The following SFMBT1 variants were observed in gnomAD, a reference collection of about 807,000 sequenced individuals.
SFMBT1 encodes Scm like with four mbt domains 1, also known as scm-like with four MBT domains protein 1.
SFMBT1 carries 32 observed loss-of-function variants against 108.7 expected under a neutral mutation model. That is an observed-to-expected ratio of 0.29 (90% CI 0.22 to 0.40). The LOEUF is 0.40. Among genes scored for constraint, SFMBT1 ranks in the 10% least tolerant of loss-of-function variants. SFMBT1 has a pLI of 1.00. For synonymous variants in SFMBT1, 348 were observed against 369.5 expected (o/e 0.94, Z 0.67); for missense variants, 816 against 1,059.6 (o/e 0.77, Z 3.19).
chr3:52,944,897 A>C (rs549487146), intron 3 of SFMBT1, among the ~76,000 whole-genome samples: 68 of 151,906 alleles, frequency 4.5e-4, no homozygotes, highest in African/African-American at 8.4e-4. Flanking sequence ...GGCTCACTGC[A>C]ACCTCAAGTC....
At chr3:53,017,191 A>T (rs961267347) in intron 1 of SFMBT1, among the ~76,000 whole-genome samples, 1 of 152,232 alleles carries the variant, frequency 6.6e-6, no homozygotes, top group Non-Finnish European at 1.5e-5. Flanking sequence ...CCAAGCTGTT[A>T]GAAGATAAAG....
intron 1 of SFMBT1, among the ~76,000 whole-genome samples, chr3:53,010,251 C>A (rs1698895494): frequency 6.6e-6 from 1 of 152,226 alleles, no homozygotes; most frequent in South Asian, 2.1e-4. Flanking sequence ...AAAGAGAGAA[C>A]AACCAGAAAG....
intron 1 of SFMBT1, among the ~76,000 whole-genome samples, chr3:52,993,637 G>A (rs1001964235): frequency 8.7e-5 from 13 of 149,388 alleles, no homozygotes; most frequent in African/African-American, 3.2e-4. Context: ...ACACTACAAA[G>A]TTACTGTGAC....
Position 52,912,519 on chromosome 3 carries a change from A to G in SFMBT1, c.1730+19T>C. ...AAAGACAAGTAAAAGTAAAGAGTAAAAACAAGTAGTCCACTCACTTGGCTT... is the reference window on the plus strand; with the variant it reads ...AAAGACAAGTAAAAGTAAAGAGTAAGAACAAGTAGTCCACTCACTTGGCTT... On this transcript the variant is annotated intron_variant, in intron 16 of 20. Transcript: ENST00000394752. 6.2e-7 allele frequency: 1 copy of G among 1,601,410 alleles called. No individual in the cohort carries two copies. Among genetic ancestry groups the G allele is most frequent in the South Asian group, 1.1e-5 (1 of 90,842 alleles).
intron 1 of SFMBT1, among the ~76,000 whole-genome samples, chr3:53,036,198 C>T (rs1699863764): frequency 2.0e-5 from 3 of 152,252 alleles, no homozygotes. Flanking sequence ...GCCCCAAGAG[C>T]CAGCCGCCAG....
chr3:53,007,464 T>C (rs1335181195), intron 1 of SFMBT1, among the ~76,000 whole-genome samples: 1 of 152,176 alleles, frequency 6.6e-6, no homozygotes, highest in Admixed American at 6.5e-5. Context: ...ACCACACATA[T>C]GAGTACCTAC....
intron 1 of SFMBT1, among the ~76,000 whole-genome samples, chr3:52,973,392 C>G (rs1396978565): frequency 6.6e-6 from 1 of 151,882 alleles, no homozygotes; most frequent in African/African-American, 2.4e-5. Flanking sequence ...TTAAATACTT[C>G]TAAGAAATAT....
chr3:53,032,077 G>A (rs142970037), intron 1 of SFMBT1, among the ~76,000 whole-genome samples: 21 of 152,320 alleles, frequency 1.4e-4, no homozygotes, highest in African/African-American at 5.1e-4. Flanking sequence ...TAACAAACTT[G>A]ATGTCCAGCC....
chr3:52,962,526 C>T (rs539474664), intron 2 of SFMBT1, among the ~76,000 whole-genome samples: 124 of 151,950 alleles, frequency 8.2e-4, no homozygotes, highest in Middle Eastern at 6.8e-3. Flanking sequence ...GGGAGAGAGG[C>T]CAGGCGCAGT....
intron 1 of SFMBT1, chr3:53,018,005 G>A (rs1408254979): frequency 1.3e-5 from 2 of 152,318 alleles, no homozygotes; most frequent in African/African-American, 2.4e-5. Context: ...AGCCGAGGCG[G>A]GTGGATCATG....
At chr3:53,043,168 A>T (rs1305364591) in intron 1 of SFMBT1, 1 of 152,222 alleles carries the variant, frequency 6.6e-6, no homozygotes, top group African/African-American at 2.4e-5. Context: ...CAGTAGGAAC[A>T]AGAAAAGGCA....
At chr3:53,025,406 G>A (rs968635881) in intron 1 of SFMBT1, among the ~76,000 whole-genome samples, 1 of 152,108 alleles carries the variant, frequency 6.6e-6, no homozygotes, top group African/African-American at 2.4e-5. Context: ...TCAGGAATTT[G>A]AGACCAGCCT....
intron 4 of SFMBT1, among the ~76,000 whole-genome samples, chr3:52,937,202 A>C (rs1387567723): frequency 1.3e-5 from 2 of 152,120 alleles, no homozygotes; most frequent in East Asian, 3.9e-4. Flanking sequence ...CAAAGTAACA[A>C]CATTAAGTCT....
intron 1 of SFMBT1, among the ~76,000 whole-genome samples, chr3:53,027,012 G>A (rs553345561): frequency 3.9e-5 from 6 of 152,118 alleles, no homozygotes; most frequent in South Asian, 2.1e-4. Context: ...CAAACTCCTC[G>A]TCTCAACTAA....
chr3:52,917,336 G>T (rs1702388202), intron 13 of SFMBT1, among the ~76,000 whole-genome samples: 1 of 152,046 alleles, frequency 6.6e-6, no homozygotes, highest in African/African-American at 2.4e-5. Flanking sequence ...ATTAAATGAG[G>T]TCATAAGGGT....
intron 3 of SFMBT1, among the ~76,000 whole-genome samples, chr3:52,951,791 T>G (rs1304176833): frequency 6.6e-6 from 1 of 152,208 alleles, no homozygotes; most frequent in Non-Finnish European, 1.5e-5. Flanking sequence ...GGGCCAGGTG[T>G]TCCTTGCCCT....
intron 1 of SFMBT1, among the ~76,000 whole-genome samples, chr3:53,025,441 C>G (rs1699453948): frequency 6.6e-6 from 1 of 151,976 alleles, no homozygotes; most frequent in Admixed American, 6.6e-5. Context: ...GACTTTGTCT[C>G]TACAAAAAAT....
intron 10 of SFMBT1, among the ~76,000 whole-genome samples, chr3:52,922,468 GAC>G (rs1702548288): frequency 6.6e-6 from 1 of 152,060 alleles, no homozygotes; most frequent in South Asian, 2.1e-4. Context: ...CTATTTTGAA[GAC>G]AAAAACTTAA....
intron 14 of SFMBT1, among the ~76,000 whole-genome samples, chr3:52,914,557 CT>C (rs1473616994): frequency 1.3e-5 from 2 of 151,914 alleles, no homozygotes; most frequent in Non-Finnish European, 2.9e-5. Flanking sequence ...GAAGCCCCAT[CT>C]CTACAAAAAA....
Sources: allele counts gnomAD v4.1 joint callset (sites outside exome capture counted in the v4.1 genomes callset), GRCh38; gene constraint gnomAD v4.1.1; transcripts MANE v1.5; gene names NCBI Gene and HGNC (gene_info 2026-07-23, HGNC 2026-07-21).